PSMF1: variants seen among roughly 807,000 people sequenced by gnomAD.
The protein encoded by PSMF1 is proteasome inhibitor subunit 1, also known as proteasome inhibitor PI31 subunit.
Under a neutral mutation model 29.3 loss-of-function variants are expected in PSMF1, and 30 were observed. The observed-to-expected ratio is 1.02, with a 90% CI of 0.77 to 1.39. The LOEUF (loss-of-function observed/expected upper bound fraction) is 1.39. Ranked by LOEUF, PSMF1 falls within the 40% of genes most tolerant of loss-of-function variation. The pLI, the probability that PSMF1 is intolerant of heterozygous loss-of-function variation, is 0.00. For synonymous variants in PSMF1, 134 were observed against 139.7 expected (o/e 0.96, Z 0.29); for missense variants, 344 against 357.5 (o/e 0.96, Z 0.31).
chr20:1,137,960 GA>G (rs2086328834), intron 4 of PSMF1, among the ~76,000 whole-genome samples: 1 of 152,166 alleles, frequency 6.6e-6, no homozygotes, highest in Non-Finnish European at 1.5e-5. Context: ...AGTAAAATAA[GA>G]ATGGTGGACT....
intron 1 of PSMF1, among the ~76,000 whole-genome samples, chr20:1,120,774 T>G (rs961235937): frequency 5.3e-5 from 8 of 152,148 alleles, no homozygotes; most frequent in African/African-American, 1.2e-4. Context: ...ATGGAACAGC[T>G]CTGCTTTGCA....
intron 1 of PSMF1, among the ~76,000 whole-genome samples, chr20:1,122,114 A>G (rs916674322): frequency 2.6e-5 from 4 of 152,080 alleles, no homozygotes; most frequent in East Asian, 1.9e-4. Context: ...GAAGACAATT[A>G]TCTTTATTCT....
In PSMF1 at chr20:1,169,734, C is replaced by G. The variant is rs1348923948; in HGVS notation, c.*4654C>G. On this transcript the variant is annotated 3_prime_UTR_variant, in exon 7 of 7. Coordinates refer to ENST00000335877, the MANE Select transcript of PSMF1 (RefSeq NM_006814.5). ...TTCACACTGCCATCTGGACACCACTCAGCTAGCTCATCCAAGTTCAAGGCT... is the reference window on the plus strand; with the variant it reads ...TTCACACTGCCATCTGGACACCACTGAGCTAGCTCATCCAAGTTCAAGGCT... Among the ~76,000 whole-genome samples, 1 of 152,208 alleles carries G rather than the reference C, an allele frequency of 6.6e-6. No homozygotes were observed. Among genetic ancestry groups the G allele is most frequent in the African/African-American group, 2.4e-5 (1 of 41,442 alleles).
intron 2 of PSMF1, among the ~76,000 whole-genome samples, chr20:1,126,282 T>C (rs1005074202): frequency 6.6e-6 from 1 of 152,242 alleles, no homozygotes; most frequent in Non-Finnish European, 1.5e-5. Flanking sequence ...GGACAGTGAC[T>C]TTCCTTTTGT....
At position 1,171,635 on chromosome 20, in the gene PSMF1, A is replaced by T. The variant is rs1047493570; in HGVS notation, c.*6555A>T. Among the ~76,000 whole-genome samples, 1 of 152,120 alleles carries T rather than the reference A, an allele frequency of 6.6e-6. No homozygotes were observed. The highest frequency in any genetic ancestry group is 1.5e-5 in the Non-Finnish European group (1 of 68,026). On this transcript the variant is annotated 3_prime_UTR_variant, in exon 7 of 7. Transcript: ENST00000335877. The stretch of plus-strand genomic sequence containing the variant: ...CCTCCCAGTTCCCGCAGCTAGGCTG[A>T]GTGTTAAGAGGAAGGTGCCATACAG...
chr20:1,136,651 G>A (rs771441851), intron 4 of PSMF1, among the ~76,000 whole-genome samples: 9 of 152,182 alleles, frequency 5.9e-5, no homozygotes, highest in East Asian at 1.9e-4. Flanking sequence ...TATTCCATGC[G>A]TAGGTGCCTG....
At chr20:1,140,229 C>T (rs528972123) in intron 4 of PSMF1, among the ~76,000 whole-genome samples, 6 of 152,264 alleles carry the variant, frequency 3.9e-5, no homozygotes, top group Admixed American at 3.3e-4. Context: ...TCATCAGGAC[C>T]GTGTGGCACT....
chr20:1,155,791 A>G (rs1422078547), intron 4 of PSMF1, among the ~76,000 whole-genome samples: 1 of 152,262 alleles, frequency 6.6e-6, no homozygotes, highest in Admixed American at 6.5e-5. Flanking sequence ...TGAAAGCAAA[A>G]CTTGGAGCCC....
rs2122629168 is a variant in PSMF1, at chr20:1,167,344, G to A, written c.*2264G>A. ...TGACCTGTTCCTCCTTTTTTAAATAGCAGCTTTATTGAGATATAATTTACA... is the reference window on the plus strand; with the variant it reads ...TGACCTGTTCCTCCTTTTTTAAATAACAGCTTTATTGAGATATAATTTACA... On this transcript the variant is annotated 3_prime_UTR_variant, in exon 7 of 7. Coordinates refer to ENST00000335877, the MANE Select transcript of PSMF1 (RefSeq NM_006814.5). 6.7e-6 allele frequency: 1 copy of A among 149,170 alleles called. No individual in the cohort carries two copies. The highest frequency in any genetic ancestry group is 2.1e-4 in the South Asian group (1 of 4,820). The allele number at this position is 149,170 out of a possible 1,614,324, so 9.2% of individuals were successfully genotyped here.
intron 4 of PSMF1, among the ~76,000 whole-genome samples, chr20:1,146,235 T>G (rs1301002398): frequency 6.6e-6 from 1 of 152,144 alleles, no homozygotes; most frequent in African/African-American, 2.4e-5. Context: ...GGAAAGGGAA[T>G]TATTTCTTAA....
In PSMF1 at chr20:1,164,101, G is replaced by A. The variant is rs186928570; in HGVS notation, c.606-217G>A. Among the ~76,000 whole-genome samples the A allele has an allele frequency of 3.9e-5, 6 of 152,250 alleles. No individual in the cohort carries two copies. In the East Asian group the frequency reaches 1.2e-3, roughly 29 times the overall value. On this transcript the variant is annotated intron_variant, in intron 5 of 6. Coordinates refer to ENST00000335877, the MANE Select transcript of PSMF1 (RefSeq NM_006814.5). The surrounding 1 kb of genome is among the most constrained non-coding windows in gnomAD (Gnocchi z 4.1). ...ACTGTGCAGAACCAACCCCTGCAGA[G>A]CCAGAAGTACTCAGCTGTGAGGTAT... is the stretch of plus-strand genomic sequence containing the variant.
At chr20:1,131,919 A>G (rs1340366103) in intron 3 of PSMF1, among the ~76,000 whole-genome samples, 1 of 152,172 alleles carries the variant, frequency 6.6e-6, no homozygotes, top group Non-Finnish European at 1.5e-5. Context: ...TGATCTGATT[A>G]AAAGGAAAGA....
chr20:1,150,639 T>C (rs769343206), intron 4 of PSMF1, among the ~76,000 whole-genome samples: 8 of 152,206 alleles, frequency 5.3e-5, no homozygotes, highest in Non-Finnish European at 1.0e-4. Flanking sequence ...GCATTGTTTA[T>C]ATAATATATT....
At chr20:1,140,826 A>G (rs572438413) in intron 4 of PSMF1, among the ~76,000 whole-genome samples, 2 of 152,372 alleles carry the variant, frequency 1.3e-5, no homozygotes, top group African/African-American at 4.8e-5. Context: ...GAGGATGTAC[A>G]GATAGTCCAT....
chr20:1,143,138 A>G (rs925339569), intron 4 of PSMF1, among the ~76,000 whole-genome samples: 1 of 152,238 alleles, frequency 6.6e-6, no homozygotes, highest in Non-Finnish European at 1.5e-5. Context: ...ATTTCTGCAG[A>G]TATAGCAAGA....
chr20:1,153,970 G>A (rs1057239176), intron 4 of PSMF1, among the ~76,000 whole-genome samples: 1 of 152,214 alleles, frequency 6.6e-6, no homozygotes, highest in Non-Finnish European at 1.5e-5. Flanking sequence ...ATTATTTGTA[G>A]TTACGCATGC....
intron 4 of PSMF1, among the ~76,000 whole-genome samples, chr20:1,159,378 C>T (rs1329251263): frequency 6.6e-6 from 1 of 152,024 alleles, no homozygotes; most frequent in African/African-American, 2.4e-5. Context: ...CCAGGCTGGT[C>T]TCGAACTCCT....
At chr20:1,137,642 A>C (rs912665227) in intron 4 of PSMF1, among the ~76,000 whole-genome samples, 3 of 151,322 alleles carry the variant, frequency 2.0e-5, no homozygotes, top group Non-Finnish European at 4.4e-5. Flanking sequence ...GGAGAAAAGG[A>C]GGCTCTTGTG....
At chr20:1,150,133 T>G (rs2086508580) in intron 4 of PSMF1, among the ~76,000 whole-genome samples, 1 of 149,630 alleles carries the variant, frequency 6.7e-6, no homozygotes, top group Non-Finnish European at 1.5e-5. Context: ...TGAGCCATGA[T>G]CACACTACTG....
Sources: allele counts gnomAD v4.1 joint callset (sites outside exome capture counted in the v4.1 genomes callset), GRCh38; gene constraint gnomAD v4.1.1; non-coding constraint Gnocchi (gnomAD v3.1); transcripts MANE v1.5; gene names NCBI Gene and HGNC (gene_info 2026-07-23, HGNC 2026-07-21).